The following PLD5 variants were observed in gnomAD, a reference collection of about 807,000 sequenced individuals.
PLD5 encodes inactive phospholipase D5.
PLD5 carries 36 observed loss-of-function variants against 61.1 expected under a neutral mutation model. The observed-to-expected ratio is 0.59, with a 90% confidence interval of 0.45 to 0.78. The LOEUF is 0.78. Ranked by LOEUF, PLD5 falls within the 30% of genes least tolerant of loss-of-function variation. The pLI is 0.00. For synonymous variants in PLD5, 243 were observed against 242.8 expected (o/e 1.00, Z -0.01); for missense variants, 515 against 644.4 (o/e 0.80, Z 2.17).
chr1:242,236,400 C>T (rs1009370478), intron 4 of PLD5, among the ~76,000 whole-genome samples: 18 of 152,112 alleles, frequency 1.2e-4, no homozygotes, highest in African/African-American at 4.3e-4. Context: ...AATTTTATGT[C>T]TATTTTCACA....
intron 5 of PLD5, among the ~76,000 whole-genome samples, chr1:242,217,319 G>A (rs1412782690): frequency 6.6e-6 from 1 of 152,098 alleles, no homozygotes; most frequent in African/African-American, 2.4e-5. Context: ...CACCATTCTA[G>A]GTACCATTAA....
chr1:242,244,918 A>C (rs557390610), intron 4 of PLD5, among the ~76,000 whole-genome samples: 4 of 152,250 alleles, frequency 2.6e-5, no homozygotes, highest in Non-Finnish European at 4.4e-5. Context: ...CAGAAACTCA[A>C]ATAGAACTCA....
At chr1:242,211,473 C>T (rs1257067238) in intron 5 of PLD5, among the ~76,000 whole-genome samples, 3 of 152,120 alleles carry the variant, frequency 2.0e-5, no homozygotes, top group South Asian at 2.1e-4. Context: ...GGTTAATTAC[C>T]CACAGTGGTT....
chr1:242,117,802 T>C (rs555129965), intron 6 of PLD5, among the ~76,000 whole-genome samples: 1 of 152,284 alleles, frequency 6.6e-6, no homozygotes, highest in African/African-American at 2.4e-5. Flanking sequence ...TACAGTTCAG[T>C]GGATTTTAGG....
chr1:242,462,093 A>G (rs1214928339), intron 1 of PLD5, among the ~76,000 whole-genome samples: 1 of 152,142 alleles, frequency 6.6e-6, no homozygotes, highest in African/African-American at 2.4e-5. Flanking sequence ...CCACTTGTCC[A>G]TTTTTGTTTT....
At chr1:242,161,088 T>G (rs984962352) in intron 5 of PLD5, among the ~76,000 whole-genome samples, 1 of 152,102 alleles carries the variant, frequency 6.6e-6, no homozygotes, top group East Asian at 1.9e-4. Context: ...TTTTAATAGA[T>G]AATTTTGTGC....
At chr1:242,497,568 C>T (rs1169827135) in intron 1 of PLD5, among the ~76,000 whole-genome samples, 1 of 152,134 alleles carries the variant, frequency 6.6e-6, no homozygotes, top group East Asian at 1.9e-4. Context: ...GGTTTGAATA[C>T]CAGGTCTCCA....
chr1:242,492,596 G>A lies in PLD5; in HGVS notation c.189+31492C>T, dbSNP rs142887679. Among the ~76,000 whole-genome samples the A allele has an allele frequency of 8.4e-3, 1,282 of 151,904 alleles. 6 individuals carry two copies. The highest frequency in any genetic ancestry group is 0.051 in the Middle Eastern group (15 of 292). Reference sequence around the variant, plus strand: ...CTATGGTATTGCAAACTATAACAATGCCATGTATCTGAAAAATTTGCAAAG... The same window carrying A: ...CTATGGTATTGCAAACTATAACAATACCATGTATCTGAAAAATTTGCAAAG... On this transcript the variant is annotated intron_variant, in intron 1 of 9. Transcript: ENST00000536534.
intron 5 of PLD5, among the ~76,000 whole-genome samples, chr1:242,190,461 T>TATGGACGAGGTGCTCCTC (rs1228804391): frequency 4.0e-5 from 6 of 151,850 alleles, no homozygotes; most frequent in Admixed American, 6.6e-5. Flanking sequence ...CAGGACTCCT[T>TATGGACGAGGTGCTCCTC]ATGGACGAGG....
chr1:242,135,270 C>T (rs1021288973), intron 5 of PLD5, among the ~76,000 whole-genome samples: 10 of 152,018 alleles, frequency 6.6e-5, no homozygotes, highest in African/African-American at 1.2e-4. Context: ...TGTAGAGTAA[C>T]AGCATTTGCA....
chr1:242,306,772 C>T (rs1342511063), intron 2 of PLD5, among the ~76,000 whole-genome samples: 6 of 132,344 alleles, frequency 4.5e-5, no homozygotes, highest in African/African-American at 8.5e-5. Context: ...CACACACACA[C>T]ACACACACAC....
intron 4 of PLD5, among the ~76,000 whole-genome samples, chr1:242,236,191 G>A (rs1329317818): frequency 6.6e-6 from 1 of 152,196 alleles, no homozygotes; most frequent in Non-Finnish European, 1.5e-5. Flanking sequence ...CATGGAATCT[G>A]CCAGCACCTT....
chr1:242,524,868 C>T (rs1168812554), upstream of PLD5, among the ~76,000 whole-genome samples: 1 of 151,926 alleles, frequency 6.6e-6, no homozygotes, highest in Non-Finnish European at 1.5e-5. Flanking sequence ...CCGCACCCGC[C>T]TTTCCCGAGC....
intron 1 of PLD5, among the ~76,000 whole-genome samples, chr1:242,378,155 A>C (rs1662072737): frequency 6.6e-6 from 1 of 152,260 alleles, no homozygotes; most frequent in South Asian, 2.1e-4. Flanking sequence ...TGTGATAAGC[A>C]CATAGGACAA....
At chr1:242,240,297 C>T (rs938875899) in intron 4 of PLD5, among the ~76,000 whole-genome samples, 1 of 152,214 alleles carries the variant, frequency 6.6e-6, no homozygotes, top group African/African-American at 2.4e-5. Flanking sequence ...TTGCTTCATC[C>T]TGCTCAGTGT....
intron 5 of PLD5, among the ~76,000 whole-genome samples, chr1:242,197,073 C>T (rs1335693612): frequency 6.6e-6 from 1 of 152,098 alleles, no homozygotes; most frequent in African/African-American, 2.4e-5. Context: ...ATGCTCACCC[C>T]TTGACTCAGT....
chr1:242,221,954 T>G (rs1178878454), intron 4 of PLD5, among the ~76,000 whole-genome samples: 13 of 152,136 alleles, frequency 8.5e-5, no homozygotes, highest in Admixed American at 8.5e-4. Context: ...TATCCTCCGT[T>G]CTGGAGGTTA....
chr1:242,411,393 G>A (rs1048744424), intron 1 of PLD5, among the ~76,000 whole-genome samples: 16 of 152,090 alleles, frequency 1.1e-4, no homozygotes, highest in South Asian at 2.1e-4. Context: ...CCGCCACCAC[G>A]CCCGGCTAAT....
chr1:242,210,922 T>G (rs1348309594), intron 5 of PLD5: 1 of 152,148 alleles, frequency 6.6e-6, no homozygotes, highest in Non-Finnish European at 1.5e-5. Flanking sequence ...GCCCTTACCC[T>G]CTTATACTCT....
Sources: gnomAD v4.1 joint callset for allele counts (sites outside exome capture counted in the v4.1 genomes callset) on GRCh38, gnomAD v4.1.1 for gene constraint, MANE v1.5 for transcripts, NCBI Gene and HGNC (gene_info 2026-07-23, HGNC 2026-07-21) for gene names.